The following RBM20 variants were observed in gnomAD, a reference collection of about 807,000 sequenced individuals.
RBM20 encodes the protein RNA-binding protein 20.
Under a neutral mutation model 110.1 loss-of-function variants are expected in RBM20, and 51 were observed. That is an observed-to-expected ratio of 0.46 (90% CI 0.37 to 0.59). The LOEUF is 0.59. Ranked by LOEUF, RBM20 falls within the 20% of genes least tolerant of loss-of-function variation. The pLI is 0.00. For synonymous variants in RBM20, 589 were observed against 618.2 expected (o/e 0.95, Z 0.70); for missense variants, 1,512 against 1,574.9 (o/e 0.96, Z 0.68).
intron 1 of RBM20, among the ~76,000 whole-genome samples, chr10:110,674,929 C>T (rs1485553632): frequency 6.6e-6 from 1 of 152,162 alleles, no homozygotes; most frequent in Non-Finnish European, 1.5e-5. Flanking sequence ...CATATACTGT[C>T]CTCAAGGAGC....
chr10:110,805,674 G>A (rs1195667189), intron 7 of RBM20, among the ~76,000 whole-genome samples: 1 of 152,218 alleles, frequency 6.6e-6, no homozygotes, highest in African/African-American at 2.4e-5. Flanking sequence ...AGCCAGGTGC[G>A]GGCAGGGCTG....
At chr10:110,749,756 G>A (rs940017124) in intron 1 of RBM20, among the ~76,000 whole-genome samples, 2 of 151,706 alleles carry the variant, frequency 1.3e-5, no homozygotes, top group African/African-American at 4.8e-5. Flanking sequence ...AGTGGGAAAG[G>A]CTGAGCACAT....
chr10:110,755,428 G>T (rs1166650066), intron 1 of RBM20, among the ~76,000 whole-genome samples: 1 of 152,086 alleles, frequency 6.6e-6, no homozygotes, highest in East Asian at 1.9e-4. Flanking sequence ...GTGTTTTTAT[G>T]GTTACTTACT....
rs377259044 is a variant in RBM20, at chr10:110,812,861, C to G, written c.2464C>G (p.Gln822Glu). 2 of 1,490,218 alleles carry G rather than the reference C, an allele frequency of 1.3e-6. No homozygotes were observed. Among genetic ancestry groups the G allele is most frequent in the Non-Finnish European group, 1.8e-6 (2 of 1,121,744 alleles). The allele number at this position is 1,490,218 out of a possible 1,614,324, so 92.3% of individuals were successfully genotyped here. A position where few individuals can be genotyped will look rare whatever the true frequency, so the allele number is the denominator to read the frequency against. ...GGCCCCTGAGGGCGCCAAGGCCAAG[C>G]AGAATGAGAAAAATAAAACCAAGAG... is the stretch of plus-strand genomic sequence containing the variant. ...TRAPEGAKAK[Q>E]NEKNKTKRTD... Residue 822 changes from glutamine (Q) to glutamate (E), a missense_variant, in exon 9 of 14, where the codon CAG (glutamine) becomes GAG (glutamate). By Grantham distance (29) the Gln-to-Glu change is conservative. This residue lies in a region of RBM20 where 1,149 missense variants were observed against 1,169.4 expected (regional missense o/e 0.98). Transcript: ENST00000369519.
intron 1 of RBM20, among the ~76,000 whole-genome samples, chr10:110,700,055 ATTAT>A (rs1862735182): frequency 6.6e-6 from 1 of 152,162 alleles, no homozygotes. Context: ...AAACTTACGA[ATTAT>A]TTATTTCTGG....
Position 110,781,799 on chromosome 10 carries a change from A to C in RBM20, c.1190A>C (p.His397Pro), listed in dbSNP as rs727505262. The change falls in exon 2 of 14, where the codon CAT becomes CCT. Residue 397 changes from histidine to proline, a missense_variant. Around this residue, in one of 3 missense-constraint regions of RBM20, gnomAD observed 1,149 missense variants for 1,169.4 expected, o/e 0.98. Transcript: ENST00000369519. The part of the protein sequence containing the change: ...ALLSVRPLQA[H>P]ELNDFHGVAP... The stretch of plus-strand genomic sequence containing the variant: ...CTATCTGTGCGGCCCCTGCAGGCTC[A>C]TGAGCTGAACGACTTTCACGGTGTG... The C allele has an allele frequency of 1.9e-6, 3 of 1,551,796 alleles. No individual in the cohort carries two copies. The highest frequency in any genetic ancestry group is 2.6e-6 in the Non-Finnish European group (3 of 1,147,006).
intron 1 of RBM20, among the ~76,000 whole-genome samples, chr10:110,689,614 T>G (rs556312876): frequency 6.6e-6 from 1 of 151,770 alleles, no homozygotes; most frequent in Non-Finnish European, 1.5e-5. Flanking sequence ...TGTTCTGTGC[T>G]GGTAGTGCGG....
intron 1 of RBM20, among the ~76,000 whole-genome samples, chr10:110,775,051 T>G (rs2181407): frequency 0.33 from 49,769 of 152,112 alleles, 8,383 homozygotes; most frequent in East Asian, 0.45. Context: ...ATTAATCCTC[T>G]CTTTGCTTTA....
chr10:110,807,617 A>G (rs1008356650), intron 7 of RBM20, among the ~76,000 whole-genome samples: 1 of 152,206 alleles, frequency 6.6e-6, no homozygotes, highest in Non-Finnish European at 1.5e-5. Flanking sequence ...CCCTACCCTC[A>G]TAGTCACTCT....
intron 1 of RBM20, among the ~76,000 whole-genome samples, chr10:110,710,805 A>G (rs890670565): frequency 5.9e-5 from 9 of 152,076 alleles, no homozygotes; most frequent in Admixed American, 5.9e-4. Context: ...GAGGTCAGGA[A>G]CCCTTATCCC....
In RBM20 at chr10:110,667,404, A is replaced by AT. The variant is rs370672910; in HGVS notation, c.191+22765dup. ...GGAGGCTCAGTGCTCTAAGGATGGC[A>AT]TTTTTTCTACCTGGCTCCATTTTAT... On this transcript the variant is annotated intron_variant, in intron 1 of 13. Coordinates refer to ENST00000369519, the MANE Select transcript of RBM20 (RefSeq NM_001134363.3). 6.6e-3 allele frequency among the ~76,000 whole-genome samples: 1,003 copies of AT among 152,082 alleles called. 3 individuals are homozygous for AT. The highest frequency in any genetic ancestry group is 0.024 in the Middle Eastern group (7 of 294).
chr10:110,732,698 A>G (rs1843631855), intron 1 of RBM20, among the ~76,000 whole-genome samples: 1 of 151,862 alleles, frequency 6.6e-6, no homozygotes, highest in African/African-American at 2.4e-5. Flanking sequence ...CAGAGCAAAA[A>G]CTCTTCAGGG....
chr10:110,812,733 C>T lies in RBM20; in HGVS notation c.2336C>T (p.Pro779Leu). 1 of 1,551,694 alleles carries T rather than the reference C, an allele frequency of 6.4e-7. No homozygotes were observed. Among genetic ancestry groups the T allele is most frequent in the African/African-American group, 1.4e-5 (1 of 73,146 alleles). Reference protein sequence around the residue: ...DKYLKQQQDAPGRSRRKDEAR... With the variant: ...DKYLKQQQDALGRSRRKDEAR... ...TATCTGAAGCAGCAGCAGGATGCCCCCGGGAGGTCCAGGAGGAAAGACGAG... is the reference window on the plus strand; with the variant it reads ...TATCTGAAGCAGCAGCAGGATGCCCTCGGGAGGTCCAGGAGGAAAGACGAG... Residue 779 changes from proline (P) to leucine (L), a missense_variant, in exon 9 of 14, where the codon CCC (proline) becomes CTC (leucine). By Grantham distance (98) the Pro-to-Leu change is moderately conservative (BLOSUM62 -3). Around this residue, in one of 3 missense-constraint regions of RBM20, gnomAD observed 1,149 missense variants for 1,169.4 expected, o/e 0.98. Transcript: ENST00000369519.
intron 13 of RBM20, among the ~76,000 whole-genome samples, chr10:110,833,390 GAAA>G (rs56842641): frequency 4.8e-5 from 3 of 62,222 alleles, no homozygotes; most frequent in South Asian, 8.6e-4. Flanking sequence ...CTCTGTCTCA[GAAA>G]AAAAAAAAAA....
chr10:110,729,730 C>G (rs1843600750), intron 1 of RBM20, among the ~76,000 whole-genome samples: 1 of 152,228 alleles, frequency 6.6e-6, no homozygotes, highest in Non-Finnish European at 1.5e-5. Flanking sequence ...GGAACCGCAT[C>G]CACCTCCGCC....
chr10:110,803,138 T>G (rs1037289542), intron 7 of RBM20, among the ~76,000 whole-genome samples: 3 of 152,210 alleles, frequency 2.0e-5, no homozygotes, highest in African/African-American at 7.2e-5. Flanking sequence ...TTTACATACA[T>G]TATTTAATCC....
intron 1 of RBM20, among the ~76,000 whole-genome samples, chr10:110,724,756 G>C (rs1590637750): frequency 6.6e-6 from 1 of 152,192 alleles, no homozygotes; most frequent in Admixed American, 6.5e-5. Flanking sequence ...AATGAGAACA[G>C]TAGGCAAGGA....
At chr10:110,733,397 G>A (rs1302504874) in intron 1 of RBM20, among the ~76,000 whole-genome samples, 1 of 152,222 alleles carries the variant, frequency 6.6e-6, no homozygotes, top group African/African-American at 2.4e-5. Flanking sequence ...CCGGGTGTAT[G>A]GCTGGGAGGA....
chr10:110,658,710 G>A (rs1296672408), intron 1 of RBM20, among the ~76,000 whole-genome samples: 2 of 151,912 alleles, frequency 1.3e-5, no homozygotes, highest in Non-Finnish European at 2.9e-5. Flanking sequence ...GCTTCTCCTG[G>A]CCTTTAGGTT....
Sources: gnomAD v4.1 joint callset for allele counts (sites outside exome capture counted in the v4.1 genomes callset) on GRCh38, gnomAD v4.1.1 for gene constraint, gnomAD v4.1.1 regional missense constraint, MANE v1.5 for transcripts, NCBI Gene and HGNC (gene_info 2026-07-23, HGNC 2026-07-21) for gene names.